KIF18B: variants seen among roughly 807,000 people sequenced by gnomAD.
The protein encoded by KIF18B is kinesin-like protein KIF18B.
A neutral mutation model predicts 80.9 loss-of-function variants in KIF18B; 49 were observed. That is an observed-to-expected ratio of 0.61 (90% CI 0.48 to 0.77). The LOEUF (loss-of-function observed/expected upper bound fraction) is 0.77, where lower values mean the gene tolerates loss of function less well. KIF18B is among the 30% of genes least tolerant of loss of function. The pLI is 0.00. For missense variants in KIF18B, 994 were observed against 1,127.7 expected, an observed-to-expected ratio of 0.88 and a Z score of 1.70; for synonymous variants, 439 against 463.9, an observed-to-expected ratio of 0.95 and a Z score of 0.69.
chr17:44,945,372 T>A (rs577137936), intron 1 of KIF18B, among the ~76,000 whole-genome samples: 24 of 152,346 alleles, frequency 1.6e-4, no homozygotes, highest in Admixed American at 7.2e-4. Flanking sequence ...TATCTTCTTT[T>A]ATATTCTACA....
rs561480547 is a variant in KIF18B, at chr17:44,924,949, A to G, written c.*1131T>C. The G allele has an allele frequency of 5.3e-5, 8 of 152,240 alleles. No individual in the cohort carries two copies. The East Asian group carries it at 1.5e-3, about 29-fold the overall frequency. 9.4% of individuals were successfully genotyped at this position (152,240 alleles called of 1,614,324 possible). A position where few individuals can be genotyped will look rare whatever the true frequency, so the allele number is the denominator to read the frequency against. Reference sequence around the variant, plus strand: ...AAATCAAGGCACCATTATCATCCACATCTTCACCAGGACTGTGGTTGGGGA... The same window carrying G: ...AAATCAAGGCACCATTATCATCCACGTCTTCACCAGGACTGTGGTTGGGGA... On this transcript the variant is annotated 3_prime_UTR_variant, in exon 16 of 16. Transcript: ENST00000593135.
At position 44,926,486 on chromosome 17, in the gene KIF18B, G is replaced by T; in HGVS notation, c.2380C>A (p.His794Asn). 6.3e-7 allele frequency: 1 copy of T among 1,586,876 alleles called. No homozygotes were observed. Among genetic ancestry groups the T allele is most frequent in the Non-Finnish European group, 8.6e-7 (1 of 1,168,354 alleles). Residue 794 changes from histidine (H) to asparagine (N), a missense_variant, in exon 15 of 16, where the codon CAT becomes AAT. His to Asn is a moderately conservative substitution (Grantham distance 68). Transcript: ENST00000593135. The part of the protein sequence containing the change: ...KKRVASSSVS[H>N]GRSRIARLPS... ...AGGCGGGCGATGCGGCTGCGGCCATGGGAGACTGAGGAACTGAGGGAGGAA... is the reference window on the plus strand; with the variant it reads ...AGGCGGGCGATGCGGCTGCGGCCATTGGAGACTGAGGAACTGAGGGAGGAA...
At position 44,934,880 on chromosome 17, in the gene KIF18B, C is replaced by A. The variant is rs150295111; in HGVS notation, c.527G>T (p.Arg176Leu). The part of the protein sequence containing the change: ...LLEPKGPLAI[R>L]EDPDKGVVVQ... ...CACCACCCCCTTGTCGGGGTCCTCGCGGATGGCAAGGGGCCCCTTGGGCTC... is the reference window on the plus strand; with the variant it reads ...CACCACCCCCTTGTCGGGGTCCTCGAGGATGGCAAGGGGCCCCTTGGGCTC... The change falls in exon 4 of 16, where the codon CGC becomes CTC. Residue 176 changes from arginine to leucine, a missense_variant. Arg to Leu is a moderately radical substitution (Grantham distance 102). Transcript: ENST00000593135. The surrounding 1 kb of genome is among the most constrained non-coding windows in gnomAD (Gnocchi z 5.4). The A allele has an allele frequency of 1.3e-6, 2 of 1,551,994 alleles. No homozygotes were observed. Among genetic ancestry groups the A allele is most frequent in the South Asian group, 2.4e-5 (2 of 84,082 alleles).
chr17:44,947,204 GA>G (rs973405720), intron 1 of KIF18B, among the ~76,000 whole-genome samples: 2 of 151,712 alleles, frequency 1.3e-5, no homozygotes, highest in African/African-American at 4.8e-5. Flanking sequence ...TAGATGGGTG[GA>G]GGGGGGCTTA....
chr17:44,938,805 G>A (rs2145728650), intron 1 of KIF18B, among the ~76,000 whole-genome samples: 1 of 152,248 alleles, frequency 6.6e-6, no homozygotes, highest in East Asian at 1.9e-4. Context: ...AGCACTTTGG[G>A]AGACCAAGGT....
chr17:44,942,941 T>C (rs2052445727), intron 1 of KIF18B, among the ~76,000 whole-genome samples: 1 of 152,180 alleles, frequency 6.6e-6, no homozygotes, highest in South Asian at 2.1e-4. Context: ...CTTGACCTTC[T>C]GTCACCAGGG....
chr17:44,945,379 T>G (rs1487710607), intron 1 of KIF18B, among the ~76,000 whole-genome samples: 1 of 152,222 alleles, frequency 6.6e-6, no homozygotes, highest in Non-Finnish European at 1.5e-5. Context: ...TTTTATATTC[T>G]ACATATGTTC....
chr17:44,926,167 C>G lies in KIF18B; in HGVS notation c.2472G>C (p.Leu824=), dbSNP rs767241933. The G allele has an allele frequency of 2.5e-6, 4 of 1,613,814 alleles. No individual in the cohort carries two copies. The African/African-American group carries it at 5.3e-5, about 22-fold the overall frequency. ...LVLPELPLSP[L]CPSNRRNGKD... ...TTCCATTCCTCCGGTTGCTAGGGCACAGGGGACTCAAGGGCAGCTCTGCAG... is the reference window on the plus strand; with the variant it reads ...TTCCATTCCTCCGGTTGCTAGGGCAGAGGGGACTCAAGGGCAGCTCTGCAG... The change falls in exon 16 of 16, where the codon CTG becomes CTC. Residue 824 remains leucine, a synonymous_variant. Coordinates refer to ENST00000593135, the MANE Select transcript of KIF18B (RefSeq NM_001265577.2).
chr17:44,926,617 G>T, intron 14 of KIF18B, 118 bp from the exon 15 acceptor site: 1 of 1,007,470 alleles, frequency 9.9e-7, no homozygotes, highest in Non-Finnish European at 1.4e-6. Flanking sequence ...AGGCTGCTGG[G>T]CACCAGCAGG....
chr17:44,928,914 A>C lies in KIF18B; in HGVS notation c.1628T>G (p.Val543Gly). ...CCCAGGCTCAATTTTTTCCTCTTGCACCAGCTGCTGTAGGGTCTCAAACTC... is the reference window on the plus strand; with the variant it reads ...CCCAGGCTCAATTTTTTCCTCTTGCCCCAGCTGCTGTAGGGTCTCAAACTC... ...ITEFETLQQL[V>G]QEEKIEPGAE... Residue 543 changes from valine (V) to glycine (G), a missense_variant, in exon 12 of 16, where the codon GTG (valine) becomes GGG (glycine). Coordinates refer to ENST00000593135, the MANE Select transcript of KIF18B (RefSeq NM_001265577.2). 6.2e-7 allele frequency: 1 copy of C among 1,613,930 alleles called. No homozygotes were observed. The highest frequency in any genetic ancestry group is 8.5e-7 in the Non-Finnish European group (1 of 1,179,868).
In KIF18B at chr17:44,935,314, C is replaced by T. The variant is rs371614541; in HGVS notation, c.416G>A (p.Arg139His). Residue 139 changes from arginine to histidine, a missense_variant, in exon 3 of 16, where the codon CGC (arginine) becomes CAC (histidine). Transcript: ENST00000593135. ...CTTCTCCTGCTGGCGGGCCTCCAGG[C>T]GCCTGTACAGTTCCACGGTGGTCAG... ...MYLTTVELYR[R>H]LEARQQEKHF... is the part of the protein sequence containing the mutation. The T allele has an allele frequency of 3.1e-5, 50 of 1,612,962 alleles. No individual in the cohort carries two copies. The highest frequency in any genetic ancestry group is 6.7e-5 in the Admixed American group (4 of 59,934).
At position 44,947,083 on chromosome 17, in the gene KIF18B, T is replaced by C. The variant is rs546964857; in HGVS notation, c.-15+545A>G. Among the ~76,000 whole-genome samples the C allele has an allele frequency of 3.3e-3, 246 of 74,036 alleles. 6 individuals carry two copies. The highest frequency in any genetic ancestry group is 0.027 in the African/African-American group (242 of 9,038). 48.6% of individuals were successfully genotyped at this position (74,036 alleles called of 152,430 possible). A position where few individuals can be genotyped will look rare whatever the true frequency, so the allele number is the denominator to read the frequency against. On this transcript the variant is annotated intron_variant, in intron 1 of 15. Coordinates refer to ENST00000593135, the MANE Select transcript of KIF18B (RefSeq NM_001265577.2). ...AAGATCGCGCCATTGCACTCCAGCC[T>C]GGGAGACAGAGAGAGAGAGACTCCA...
intron 12 of KIF18B, 49 bp downstream of exon 12, chr17:44,928,770 T>C: frequency 6.3e-7 from 1 of 1,582,214 alleles, no homozygotes; most frequent in African/African-American, 1.3e-5. Flanking sequence ...AGTGGGGCCT[T>C]GAAGACAGCA....
At chr17:44,945,492 T>C (rs549075820) in intron 1 of KIF18B, among the ~76,000 whole-genome samples, 17 of 152,380 alleles carry the variant, frequency 1.1e-4, no homozygotes, top group African/African-American at 3.6e-4. Flanking sequence ...AGTTGCCCTC[T>C]AAGTATCGCT....
chr17:44,927,214 AAG>A lies in KIF18B; in HGVS notation c.2277-138_2277-137del. 1.6e-6 allele frequency: 1 copy of A among 622,824 alleles called. No individual in the cohort carries two copies. Among genetic ancestry groups the A allele is most frequent in the Non-Finnish European group, 2.8e-6 (1 of 359,180 alleles). The allele number at this position is 622,824 out of a possible 1,614,324, so 38.6% of individuals were successfully genotyped here. A position where few individuals can be genotyped will look rare whatever the true frequency, so the allele number is the denominator to read the frequency against. Reference sequence around the variant, plus strand: ...GATGACCTCTGAGGTTTCTTCTACAAAGAGGTGGATTCCTCTCTCTGCCTGGC... The same window carrying A: ...GATGACCTCTGAGGTTTCTTCTACAAAGGTGGATTCCTCTCTCTGCCTGGC... On this transcript the variant is annotated intron_variant, in intron 13 of 15. Transcript: ENST00000593135. This position sits in a 1 kb window ranked among gnomAD's most constrained non-coding sequence, Gnocchi z 4.1.
In KIF18B at chr17:44,926,047, T is replaced by A. The variant is rs1201367309; in HGVS notation, c.*33A>T. ...GTATCCAGCAGAGGGGCCGGTAGGT[T>A]AGGACACCTTGGTGGTCAGGACATT... On this transcript the variant is annotated 3_prime_UTR_variant, in exon 16 of 16. Coordinates refer to ENST00000593135, the MANE Select transcript of KIF18B (RefSeq NM_001265577.2). 1.2e-6 allele frequency: 2 copies of A among 1,613,188 alleles called. No homozygotes were observed. Among genetic ancestry groups the A allele is most frequent in the Non-Finnish European group, 1.7e-6 (2 of 1,179,368 alleles).
chr17:44,927,951 C>T lies in KIF18B; in HGVS notation c.2276+75G>A. On this transcript the variant is annotated intron_variant, in intron 13 of 15. Transcript: ENST00000593135. The surrounding 1 kb of genome is among the most constrained non-coding windows in gnomAD (Gnocchi z 4.1). The stretch of plus-strand genomic sequence containing the variant: ...AGCTCCAAGGCTGTCCTCCATACTT[C>T]TCAGCAGCACCAAGAAGTCCCTTGC... The T allele has an allele frequency of 7.7e-7, 1 of 1,300,116 alleles. No individual in the cohort carries two copies. Among genetic ancestry groups the T allele is most frequent in the East Asian group, 2.5e-5 (1 of 40,422 alleles). 80.5% of individuals were successfully genotyped at this position (1,300,116 alleles called of 1,614,324 possible). A position where few individuals can be genotyped will look rare whatever the true frequency, so the allele number is the denominator to read the frequency against.
chr17:44,938,024 A>AT (rs1352925220), intron 1 of KIF18B, among the ~76,000 whole-genome samples: 3 of 150,144 alleles, frequency 2.0e-5, no homozygotes, highest in East Asian at 1.9e-4. Flanking sequence ...ACACATATAT[A>AT]TTTTTTTTGA....
intron 9 of KIF18B, chr17:44,932,447 C>T: frequency 1.7e-6 from 1 of 595,752 alleles, no homozygotes; most frequent in Non-Finnish European, 3.0e-6. Context: ...TTCACCTTCT[C>T]TCGAATAGTA....
Sources: allele counts gnomAD v4.1 joint callset (sites outside exome capture counted in the v4.1 genomes callset), GRCh38; gene constraint gnomAD v4.1.1; non-coding constraint Gnocchi (gnomAD v3.1); transcripts MANE v1.5; gene names NCBI Gene and HGNC (gene_info 2026-07-23, HGNC 2026-07-21).